Variants in PPP1R21 observed in about 807,000 individuals in gnomAD.
PPP1R21 encodes the protein KLRAQ motif containing 1.
Under a neutral mutation model 112.8 loss-of-function variants are expected in PPP1R21, and 85 were observed. That is an observed-to-expected ratio of 0.75 (90% CI 0.63 to 0.90). The LOEUF is 0.90. PPP1R21 is among the 40% of genes least tolerant of loss of function. PPP1R21 has a pLI of 0.00. For missense variants in PPP1R21, 1,199 were observed against 901.5 expected (o/e 1.33, Z -4.23); for synonymous variants, 381 against 322.3 (o/e 1.18, Z -1.95).
intron 15 of PPP1R21, among the ~76,000 whole-genome samples, chr2:48,492,172 T>G (rs1487627998): frequency 1.3e-5 from 2 of 152,236 alleles, no homozygotes; most frequent in African/African-American, 4.8e-5. Context: ...ATTAGATCAT[T>G]ACAGGTAAAT....
At chr2:48,473,230 T>A (rs1668603507) in intron 11 of PPP1R21, among the ~76,000 whole-genome samples, 1 of 152,074 alleles carries the variant, frequency 6.6e-6, no homozygotes, top group African/African-American at 2.4e-5. Flanking sequence ...CAGATAATTA[T>A]GGCTTAAACT....
intron 9 of PPP1R21, among the ~76,000 whole-genome samples, chr2:48,469,250 A>G (rs1668348648): frequency 8.0e-6 from 1 of 125,474 alleles, no homozygotes; most frequent in South Asian, 2.7e-4. Flanking sequence ...AACCATATCA[A>G]TATATTTGAA....
intron 12 of PPP1R21, chr2:48,479,476 T>G: frequency 2.1e-6 from 1 of 472,504 alleles, no homozygotes; most frequent in South Asian, 1.5e-5. Context: ...TTTTGCAAAT[T>G]TTACCAGTTT....
chr2:48,450,958 T>C lies in PPP1R21; in HGVS notation c.58-50T>C, dbSNP rs181729904. 7.4e-4 allele frequency: 1,102 copies of C among 1,487,974 alleles called. 2 individuals carry two copies. Among genetic ancestry groups the C allele is most frequent in the Non-Finnish European group, 8.8e-4 (941 of 1,065,574 alleles). 92.2% of individuals were successfully genotyped at this position (1,487,974 alleles called of 1,614,324 possible). On this transcript the variant is annotated intron_variant, in intron 1 of 21. Coordinates refer to ENST00000294952, the MANE Select transcript of PPP1R21 (RefSeq NM_001135629.3). ...TAAAATTGATGTGATTTCCTTGATATAACCAATTGCTTTATATTAGAAATT... is the reference window on the plus strand; with the variant it reads ...TAAAATTGATGTGATTTCCTTGATACAACCAATTGCTTTATATTAGAAATT...
intron 19 of PPP1R21, among the ~76,000 whole-genome samples, chr2:48,509,006 G>T (rs528756678): frequency 1.3e-5 from 2 of 152,282 alleles, no homozygotes; most frequent in Non-Finnish European, 2.9e-5. Flanking sequence ...GCATTTGCAT[G>T]TGTTTCAACA....
At chr2:48,474,454 C>T (rs1444636666) in intron 11 of PPP1R21, among the ~76,000 whole-genome samples, 1 of 152,212 alleles carries the variant, frequency 6.6e-6, no homozygotes, top group Non-Finnish European at 1.5e-5. Context: ...AGATAATGGA[C>T]ATATGCCTTT....
At chr2:48,466,587 A>G (rs1271601431) in intron 9 of PPP1R21, among the ~76,000 whole-genome samples, 1 of 152,070 alleles carries the variant, frequency 6.6e-6, no homozygotes, top group South Asian at 2.1e-4. Flanking sequence ...AGTAAGTGGT[A>G]TGAGATCACC....
chr2:48,458,888 C>G (rs902618597), intron 4 of PPP1R21, among the ~76,000 whole-genome samples: 6 of 151,894 alleles, frequency 4.0e-5, no homozygotes, highest in African/African-American at 7.3e-5. Context: ...GTCAGGAGAT[C>G]GAGACCATCC....
chr2:48,488,887 A>G (rs568755735), intron 14 of PPP1R21, among the ~76,000 whole-genome samples: 2 of 152,320 alleles, frequency 1.3e-5, no homozygotes, highest in African/African-American at 2.4e-5. Flanking sequence ...TGGAAAATGT[A>G]GAAATATTAG....
At chr2:48,512,619 T>G (rs945128044) in intron 21 of PPP1R21, among the ~76,000 whole-genome samples, 1 of 152,264 alleles carries the variant, frequency 6.6e-6, no homozygotes, top group Non-Finnish European at 1.5e-5. Context: ...TACGTCATGT[T>G]AATGCATTGG....
rs1558456813 is a variant in PPP1R21, at chr2:48,469,379, GCATATATATATAGAGCATATATATAT to G, written c.898-1707_898-1682del. The stretch of plus-strand genomic sequence containing the variant: ...TATATATAGAGCATATATATATATA[GCATATATATATAGAGCATATATATAT>G]AGAGAGAGAGCATATATATATAGAG... On this transcript the variant is annotated intron_variant, in intron 9 of 21. Transcript: ENST00000294952. Among the ~76,000 whole-genome samples, 246 of 61,434 alleles carry G rather than the reference GCATATATATATAGAGCATATATATAT, an allele frequency of 4.0e-3. 18 individuals are homozygous for G. Among genetic ancestry groups the G allele is most frequent in the Middle Eastern group, 0.018 (2 of 114 alleles). The allele number at this position is 61,434 out of a possible 152,430, so 40.3% of individuals were successfully genotyped here. A position where few individuals can be genotyped will look rare whatever the true frequency, so the allele number is the denominator to read the frequency against.
intron 3 of PPP1R21, among the ~76,000 whole-genome samples, chr2:48,456,463 CT>C (rs1381446922): frequency 6.6e-6 from 1 of 152,114 alleles, no homozygotes; most frequent in Non-Finnish European, 1.5e-5. Flanking sequence ...CTTTGGTTGC[CT>C]TTAATAAATC....
chr2:48,470,474 C>G (rs1668449230), intron 9 of PPP1R21, among the ~76,000 whole-genome samples: 1 of 151,354 alleles, frequency 6.6e-6, no homozygotes, highest in Non-Finnish European at 1.5e-5. Context: ...GAGCCAAGAT[C>G]CCGCCACTGC....
At chr2:48,464,757 A>G (rs1442720634) in intron 7 of PPP1R21, among the ~76,000 whole-genome samples, 180 bp from the exon 8 acceptor site, 1 of 152,128 alleles carries the variant, frequency 6.6e-6, no homozygotes, top group Non-Finnish European at 1.5e-5. Context: ...AAAGATGGGA[A>G]GTATTACTTT....
chr2:48,458,702 C>G (rs185666648), intron 4 of PPP1R21, among the ~76,000 whole-genome samples: 2 of 151,478 alleles, frequency 1.3e-5, no homozygotes, highest in African/African-American at 4.9e-5. Context: ...TTTCCTATGC[C>G]TAGTCCCAGG....
chr2:48,459,065 C>G lies in PPP1R21; in HGVS notation c.376-689C>G, dbSNP rs182148764. 6.1e-4 allele frequency among the ~76,000 whole-genome samples: 87 copies of G among 142,414 alleles called. 1 individual carries two copies. The East Asian group carries it at 0.016, about 27-fold the overall frequency. The allele number at this position is 142,414 out of a possible 152,430, so 93.4% of individuals were successfully genotyped here. A position where few individuals can be genotyped will look rare whatever the true frequency, so the allele number is the denominator to read the frequency against. On this transcript the variant is annotated intron_variant, in intron 4 of 21. Transcript: ENST00000294952. Reference sequence around the variant, plus strand: ...CGAGATCAAGCCACAGCACTCTAGCCTGGGCGACAGAGTGAGACTCTGTCT... The same window carrying G: ...CGAGATCAAGCCACAGCACTCTAGCGTGGGCGACAGAGTGAGACTCTGTCT...
chr2:48,491,025 C>A lies in PPP1R21; in HGVS notation c.1454C>A (p.Ser485Tyr). 2 of 1,613,764 alleles carry A rather than the reference C, an allele frequency of 1.2e-6. No individual in the cohort carries two copies. The highest frequency in any genetic ancestry group is 1.7e-6 in the Non-Finnish European group (2 of 1,179,708). The change falls in exon 15 of 22, where the codon TCC (serine) becomes TAC (tyrosine). Residue 485 changes from serine (S) to tyrosine (Y), a missense_variant. Transcript: ENST00000294952. ...TTGTCATACTTTGTTTAGATTGCAT[C>A]CTTCTTCAGCAACAATTTGGACTAC... ...ALTNGAGKIA[S>Y]FFSNNLDYFI...
chr2:48,469,261 T>TTGTGTGTG lies in PPP1R21; in HGVS notation c.898-1798_898-1791dup, dbSNP rs745866100. Among the ~76,000 whole-genome samples the TTGTGTGTG allele has an allele frequency of 3.1e-3, 145 of 46,236 alleles. 1 individual carries two copies. The highest frequency in any genetic ancestry group is 4.6e-3 in the African/African-American group (62 of 13,404). The allele number at this position is 46,236 out of a possible 152,430, so 30.3% of individuals were successfully genotyped here. On this transcript the variant is annotated intron_variant, in intron 9 of 21. Coordinates refer to ENST00000294952, the MANE Select transcript of PPP1R21 (RefSeq NM_001135629.3). ...GCCAAACCATATCAATATATTTGAATTGTGTGTGTGTGTGTGTGTGTGTGT... is the reference window on the plus strand; with the variant it reads ...GCCAAACCATATCAATATATTTGAATTGTGTGTGTGTGTGTGTGTGTGTGTGTGTGTGT...
At chr2:48,483,709 G>A (rs1669139123) in intron 13 of PPP1R21, among the ~76,000 whole-genome samples, 1 of 152,072 alleles carries the variant, frequency 6.6e-6, no homozygotes, top group African/African-American at 2.4e-5. Flanking sequence ...CCAAGTGCTG[G>A]GATTACAAGC....
Sources: allele counts gnomAD v4.1 joint callset (sites outside exome capture counted in the v4.1 genomes callset), GRCh38; gene constraint gnomAD v4.1.1; transcripts MANE v1.5; gene names NCBI Gene and HGNC (gene_info 2026-07-23, HGNC 2026-07-21).